The following TMCC3 variants were observed in gnomAD, a reference collection of about 807,000 sequenced individuals.
TMCC3 encodes the protein transmembrane and coiled-coil domain family 3, also known as transmembrane and coiled-coil domain protein 3.
In TMCC3, 28 loss-of-function variants were observed where a neutral mutation model predicts 40.2. The observed-to-expected ratio is 0.70, with a 90% CI of 0.52 to 0.95. The LOEUF is 0.95. TMCC3 is among the 40% of genes least tolerant of loss of function. TMCC3 has a pLI of 0.00. For missense variants in TMCC3, 554 were observed against 615.2 expected (o/e 0.90, Z 1.05); for synonymous variants, 255 against 248.5 (o/e 1.03, Z -0.25).
intron 1 of TMCC3, among the ~76,000 whole-genome samples, chr12:94,636,135 C>T (rs1348460555): frequency 6.6e-6 from 1 of 152,142 alleles, no homozygotes; most frequent in East Asian, 1.9e-4. Context: ...TACATATGAA[C>T]AGCGGTATAT....
chr12:94,630,388 ATGTCTGGG>A (rs1193337525), intron 1 of TMCC3, among the ~76,000 whole-genome samples: 2 of 152,132 alleles, frequency 1.3e-5, no homozygotes, highest in African/African-American at 4.8e-5. Context: ...ATCCTTGCAG[ATGTCTGGG>A]TGGTTCTGTC....
intron 1 of TMCC3, among the ~76,000 whole-genome samples, chr12:94,585,900 T>C (rs2068635722): frequency 6.6e-6 from 1 of 152,202 alleles, no homozygotes; most frequent in Admixed American, 6.5e-5. Flanking sequence ...ATGTCATAGC[T>C]GTACCTAACT....
rs113000875 is a variant in TMCC3 at position 94,581,492 on chromosome 12, C to T, written c.995+130G>A. On this transcript the variant is annotated intron_variant, in intron 2 of 3. Coordinates refer to ENST00000261226, the MANE Select transcript of TMCC3 (RefSeq NM_020698.4). ...AACTCATCCTTTTAAAAGAATGCCA[C>T]ACCTATCACGTACCCACTAAGTATC... The T allele has an allele frequency of 2.2e-3, 1,141 of 515,192 alleles. 2 individuals carry two copies. The highest frequency in any genetic ancestry group is 3.0e-3 in the Non-Finnish European group (989 of 330,262). 31.9% of individuals were successfully genotyped at this position (515,192 alleles called of 1,614,324 possible).
intron 1 of TMCC3, among the ~76,000 whole-genome samples, chr12:94,629,436 G>A (rs1023866901): frequency 4.6e-5 from 7 of 152,172 alleles, no homozygotes; most frequent in African/African-American, 1.4e-4. Flanking sequence ...ATCTGTCTGT[G>A]GGTCTGTCCT....
At chr12:94,635,437 C>T (rs193207200) in intron 1 of TMCC3, among the ~76,000 whole-genome samples, 1 of 152,288 alleles carries the variant, frequency 6.6e-6, no homozygotes, top group South Asian at 2.1e-4. Context: ...AGCAACAATA[C>T]ACATTCTATG....
At chr12:94,649,343 A>G (rs961859959) in intron 1 of TMCC3, among the ~76,000 whole-genome samples, 1 of 152,192 alleles carries the variant, frequency 6.6e-6, no homozygotes, top group Non-Finnish European at 1.5e-5. Flanking sequence ...TGGTCTCTCG[A>G]TCTTGGAAGT....
chr12:94,591,624 C>T lies in TMCC3; in HGVS notation c.79-9086G>A, dbSNP rs1479850237. Among the ~76,000 whole-genome samples, 37 of 152,084 alleles carry T rather than the reference C, an allele frequency of 2.4e-4. 1 individual carries two copies. Among genetic ancestry groups the T allele is most frequent in the Admixed American group, 2.4e-3 (36 of 15,268 alleles). Reference sequence around the variant, plus strand: ...ACCCAAAATTAGCCAGGCATGGTGGCATGCACTTGTAATCCTGACTACTCG... The same window carrying T: ...ACCCAAAATTAGCCAGGCATGGTGGTATGCACTTGTAATCCTGACTACTCG... On this transcript the variant is annotated intron_variant, in intron 1 of 3. Transcript: ENST00000261226.
intron 1 of TMCC3, among the ~76,000 whole-genome samples, chr12:94,583,519 A>T (rs2068620137): frequency 6.6e-6 from 1 of 152,158 alleles, no homozygotes; most frequent in Non-Finnish European, 1.5e-5. Context: ...AAAAATAAAT[A>T]AATAAAATAA....
chr12:94,575,787 T>G (rs1418981416), intron 3 of TMCC3, among the ~76,000 whole-genome samples: 1 of 152,168 alleles, frequency 6.6e-6, no homozygotes, highest in Non-Finnish European at 1.5e-5. Context: ...ATTGTACTGT[T>G]CACTTGGCAA....
At position 94,650,404 on chromosome 12, in the gene TMCC3, G is replaced by T. The variant is rs1372403361; in HGVS notation, c.27C>A (p.Thr9=). MPGSDTAL[T]VDRTYSYPGR... ...CGGGGTACGAGTAGGTCCGGTCCAC[G>T]GTGAGCGCCGTGTCGCTGCCCGGCA... The change falls in exon 1 of 4, where the codon ACC becomes ACA. Residue 9 remains threonine (T), a synonymous_variant. Transcript: ENST00000261226. The T allele has an allele frequency of 1.5e-6, 2 of 1,324,336 alleles. No homozygotes were observed. Among genetic ancestry groups the T allele is most frequent in the South Asian group, 1.9e-5 (1 of 53,280 alleles). 82.0% of individuals were successfully genotyped at this position (1,324,336 alleles called of 1,614,324 possible).
chr12:94,631,102 A>G (rs2068931259), intron 1 of TMCC3, among the ~76,000 whole-genome samples: 2 of 152,226 alleles, frequency 1.3e-5, no homozygotes, highest in South Asian at 4.1e-4. Flanking sequence ...ATATATTTTT[A>G]TAACATTGAT....
At chr12:94,617,950 G>C (rs746242905) in intron 1 of TMCC3, among the ~76,000 whole-genome samples, 1 of 152,132 alleles carries the variant, frequency 6.6e-6, no homozygotes, top group Non-Finnish European at 1.5e-5. Context: ...TTCAAGTAAA[G>C]GTCTTAAGTC....
chr12:94,644,446 T>C (rs1280573210), intron 1 of TMCC3: 2 of 985,210 alleles, frequency 2.0e-6, no homozygotes, highest in African/African-American at 3.5e-5. Flanking sequence ...AAATACACCC[T>C]GAGATCCAAC....
chr12:94,578,316 CA>C, intron 3 of TMCC3, 77 bp downstream of exon 3: 1 of 1,513,972 alleles, frequency 6.6e-7, no homozygotes, highest in Non-Finnish European at 8.9e-7. Context: ...AGGACTTAGG[CA>C]TAAACATTTA....
At chr12:94,586,532 C>A (rs372095501) in intron 1 of TMCC3, among the ~76,000 whole-genome samples, 1 of 152,332 alleles carries the variant, frequency 6.6e-6, no homozygotes, top group South Asian at 2.1e-4. Context: ...ACAGATAAGA[C>A]GAGATGAAGT....
intron 1 of TMCC3, among the ~76,000 whole-genome samples, chr12:94,615,389 G>C (rs780455182): frequency 6.6e-6 from 1 of 152,160 alleles, no homozygotes; most frequent in Non-Finnish European, 1.5e-5. Context: ...CCCACAGCTC[G>C]AGGCAGCCAC....
chr12:94,583,751 G>A (rs2068621446), intron 1 of TMCC3, among the ~76,000 whole-genome samples: 1 of 152,140 alleles, frequency 6.6e-6, no homozygotes, highest in East Asian at 1.9e-4. Context: ...TCATAAACAT[G>A]TAGACACCAA....
chr12:94,632,138 G>A (rs1038251568), intron 1 of TMCC3, among the ~76,000 whole-genome samples: 4 of 152,222 alleles, frequency 2.6e-5, no homozygotes, highest in African/African-American at 9.6e-5. Flanking sequence ...TAACTGTCAG[G>A]TGCTAAGCAG....
At chr12:94,646,755 A>ATTT (rs1445489883) in intron 1 of TMCC3, among the ~76,000 whole-genome samples, 587 of 40,556 alleles carry the variant, frequency 0.014, 3 homozygotes, top group East Asian at 0.061. Flanking sequence ...TTTTTTTTTA[A>ATTT]AAAACAAATA....
Sources: allele counts gnomAD v4.1 joint callset (sites outside exome capture counted in the v4.1 genomes callset), GRCh38; gene constraint gnomAD v4.1.1; transcripts MANE v1.5; gene names NCBI Gene and HGNC (gene_info 2026-07-23, HGNC 2026-07-21).